Variants in IL6R observed in about 807,000 individuals in gnomAD.
IL6R encodes interleukin-6 receptor subunit alpha.
A neutral mutation model predicts 48.3 loss-of-function variants in IL6R; 38 were observed. The observed-to-expected ratio is 0.79, with a 90% CI of 0.61 to 1.03. IL6R has a LOEUF of 1.03. Among genes scored for constraint, IL6R ranks in the 50% least tolerant of loss-of-function variants. IL6R has a pLI of 0.00. For synonymous variants in IL6R, 264 were observed against 256.2 expected, an observed-to-expected ratio of 1.03 and a Z score of -0.29; for missense variants, 534 against 618.3, an observed-to-expected ratio of 0.86 and a Z score of 1.45.
intron 2 of IL6R, 140 bp from the exon 3 acceptor site, chr1:154,430,343 C>T: frequency 9.8e-7 from 1 of 1,016,160 alleles, no homozygotes; most frequent in Non-Finnish European, 1.4e-6. Flanking sequence ...CTGAGTGTGG[C>T]CAGGGTCCTG....
intron 6 of IL6R, among the ~76,000 whole-genome samples, chr1:154,438,001 A>G (rs182817508): frequency 2.4e-3 from 370 of 152,048 alleles, no homozygotes; most frequent in Non-Finnish European, 3.5e-3. Flanking sequence ...GGTGTGAGCC[A>G]CCGCGCCTGG....
At chr1:154,437,254 G>A (rs4845621) in intron 6 of IL6R, among the ~76,000 whole-genome samples, 49,560 of 151,948 alleles carry the variant, frequency 0.33, 9,367 homozygotes, top group Admixed American at 0.5. Context: ...CTGCCACCAC[G>A]CCCAGCTAAT....
At chr1:154,431,211 C>A (rs973627159) in intron 3 of IL6R, among the ~76,000 whole-genome samples, 1 of 152,118 alleles carries the variant, frequency 6.6e-6, no homozygotes, top group Non-Finnish European at 1.5e-5. Flanking sequence ...GACGGCTTAA[C>A]GTGGGAAGAC....
intron 9 of IL6R, among the ~76,000 whole-genome samples, chr1:154,461,362 C>A (rs1691250764): frequency 6.6e-6 from 1 of 152,166 alleles, no homozygotes; most frequent in Admixed American, 6.5e-5. Flanking sequence ...TGTTCCCTGA[C>A]TCCTCCAAGG....
At chr1:154,434,721 T>A (rs767855696) in intron 4 of IL6R, 21 bp downstream of exon 4, 25 of 1,599,374 alleles carry the variant, frequency 1.6e-5, no homozygotes, top group Non-Finnish European at 1.9e-5. Context: ...TCTAACCCCC[T>A]CTCCAGCAGT....
At position 154,466,144 on chromosome 1, in the gene IL6R, G is replaced by A. The variant is rs1162061921; in HGVS notation, c.*764G>A. The A allele has an allele frequency of 6.5e-6, 1 of 152,832 alleles. No individual in the cohort carries two copies. Among genetic ancestry groups the A allele is most frequent in the Non-Finnish European group, 1.5e-5 (1 of 68,190 alleles). The allele number at this position is 152,832 out of a possible 1,614,324, so 9.5% of individuals were successfully genotyped here. ...TGCAGGACCTCAGGTGAGAAGCAGA[G>A]GAAGGAGAGGAGAGGGGCACAGGGT... is the stretch of plus-strand genomic sequence containing the variant. On this transcript the variant is annotated 3_prime_UTR_variant, in exon 10 of 10. Transcript: ENST00000368485.
intron 1 of IL6R, chr1:154,414,911 T>C (rs1381502516): frequency 1.1e-6 from 1 of 945,290 alleles, no homozygotes; most frequent in African/African-American, 1.6e-5. Flanking sequence ...TTGAGCTGGG[T>C]CATGTGGCGC....
At position 154,467,865 on chromosome 1, in the gene IL6R, G is replaced by A. The variant is rs1239469108; in HGVS notation, c.*2485G>A. On this transcript the variant is annotated 3_prime_UTR_variant, in exon 10 of 10. Transcript: ENST00000368485. Reference sequence around the variant, plus strand: ...GCTGTTAAAGGGAAATATTAAGAATGAGAATCTGCAGTAAGGGTGATTCTG... The same window carrying A: ...GCTGTTAAAGGGAAATATTAAGAATAAGAATCTGCAGTAAGGGTGATTCTG... 6.6e-6 allele frequency: 1 copy of A among 152,196 alleles called. No homozygotes were observed. Among genetic ancestry groups the A allele is most frequent in the Non-Finnish European group, 1.5e-5 (1 of 68,042 alleles). The allele number at this position is 152,196 out of a possible 1,614,324, so 9.4% of individuals were successfully genotyped here. A position where few individuals can be genotyped will look rare whatever the true frequency, so the allele number is the denominator to read the frequency against.
intron 1 of IL6R, among the ~76,000 whole-genome samples, chr1:154,418,604 C>T (rs1688486687): frequency 6.6e-6 from 1 of 152,162 alleles, no homozygotes; most frequent in Non-Finnish European, 1.5e-5. Flanking sequence ...CCATTAGAGC[C>T]TGGGAGCCTT....
rs75525739 is a variant in IL6R at position 154,422,609 on chromosome 1, C to A, written c.86-6587C>A. Among the ~76,000 whole-genome samples, 1,196 of 152,214 alleles carry A rather than the reference C, an allele frequency of 7.9e-3. 18 individuals are homozygous for A. Among genetic ancestry groups the A allele is most frequent in the African/African-American group, 0.027 (1,126 of 41,524 alleles). ...ATGGGTGCACAAAAATTATTGAATTCTTGAAGAAGGGACAGGCATAGGCTT... is the reference window on the plus strand; with the variant it reads ...ATGGGTGCACAAAAATTATTGAATTATTGAAGAAGGGACAGGCATAGGCTT... On this transcript the variant is annotated intron_variant, in intron 1 of 9. Coordinates refer to ENST00000368485, the MANE Select transcript of IL6R (RefSeq NM_000565.4).
chr1:154,405,438 C>A lies in IL6R; in HGVS notation c.-192C>A. 1 of 546,222 alleles carries A rather than the reference C, an allele frequency of 1.8e-6. No individual in the cohort carries two copies. Among genetic ancestry groups the A allele is most frequent in the East Asian group, 3.4e-5 (1 of 29,360 alleles). The allele number at this position is 546,222 out of a possible 1,614,324, so 33.8% of individuals were successfully genotyped here. A position where few individuals can be genotyped will look rare whatever the true frequency, so the allele number is the denominator to read the frequency against. ...CTGAGCCGGGCCAGAGGGAGAGGAG[C>A]CGAGCGCGGCGCGGGGCCGAGGGAC... is the stretch of plus-strand genomic sequence containing the variant. On this transcript the variant is annotated 5_prime_UTR_variant, in exon 1 of 10. Coordinates refer to ENST00000368485, the MANE Select transcript of IL6R (RefSeq NM_000565.4). This position sits in a 1 kb window ranked among gnomAD's most constrained non-coding sequence, Gnocchi z 5.2.
chr1:154,458,980 T>C (rs1691087744), intron 9 of IL6R, among the ~76,000 whole-genome samples: 2 of 151,590 alleles, frequency 1.3e-5, no homozygotes, highest in South Asian at 2.1e-4. Context: ...TTAAGGGTCA[T>C]CTAGTCAAAC....
chr1:154,440,457 A>T (rs1023882496), intron 6 of IL6R, among the ~76,000 whole-genome samples: 1 of 152,070 alleles, frequency 6.6e-6, no homozygotes, highest in African/African-American at 2.4e-5. Context: ...TTCTATTTTT[A>T]AATTTTCATG....
Position 154,436,114 on chromosome 1 carries a change from C to T in IL6R, c.949+4C>T, listed in dbSNP as rs747974938. On this transcript the variant is annotated splice_donor_region_variant and intron_variant, in intron 6 of 9. Transcript: ENST00000368485. ...GCCATGGGCACGCCTTGGACAGGTA[C>T]TGCGGTGGGCACTGAGAAAGGAAGG... is the stretch of plus-strand genomic sequence containing the variant. The T allele has an allele frequency of 2.5e-6, 4 of 1,595,906 alleles. No homozygotes were observed. Among genetic ancestry groups the T allele is most frequent in the Middle Eastern group, 1.7e-4 (1 of 5,986 alleles).
At chr1:154,411,646 C>T (rs1688025342) in intron 1 of IL6R, among the ~76,000 whole-genome samples, 1 of 152,132 alleles carries the variant, frequency 6.6e-6, no homozygotes, top group Admixed American at 6.5e-5. Flanking sequence ...GGCCTGTCTC[C>T]CCATTAACTG....
intron 3 of IL6R, among the ~76,000 whole-genome samples, chr1:154,431,709 G>A (rs2149239410): frequency 6.6e-6 from 1 of 152,278 alleles, no homozygotes; most frequent in East Asian, 1.9e-4. Flanking sequence ...TAGGCTACTA[G>A]GGCTTTCTGA....
chr1:154,408,883 G>A (rs970872092), intron 1 of IL6R, among the ~76,000 whole-genome samples: 1 of 152,214 alleles, frequency 6.6e-6, no homozygotes, highest in East Asian at 1.9e-4. Flanking sequence ...AGTGACTCAC[G>A]CCTGTAATCC....
At chr1:154,452,366 C>T (rs143261904) in intron 8 of IL6R, among the ~76,000 whole-genome samples, 328 of 152,300 alleles carry the variant, frequency 2.2e-3, no homozygotes, top group African/African-American at 7.2e-3. Flanking sequence ...GCCCCAGCCA[C>T]ACTGCCCTCC....
chr1:154,457,469 A>G (rs1052186110), intron 9 of IL6R, among the ~76,000 whole-genome samples: 8 of 152,186 alleles, frequency 5.3e-5, no homozygotes, highest in Non-Finnish European at 1.0e-4. Flanking sequence ...TCACCTTTAA[A>G]TGCTCTGCCC....
Sources: gnomAD v4.1 joint callset for allele counts (sites outside exome capture counted in the v4.1 genomes callset) on GRCh38, gnomAD v4.1.1 for gene constraint, Gnocchi (gnomAD v3.1) non-coding constraint, MANE v1.5 for transcripts, NCBI Gene and HGNC (gene_info 2026-07-23, HGNC 2026-07-21) for gene names.